Variants in CCDC91 observed in about 807,000 individuals in gnomAD.
CCDC91 encodes coiled-coil domain containing 91.
CCDC91 carries 48 observed loss-of-function variants against 63.2 expected under a neutral mutation model. The ratio of observed to expected loss-of-function variants is 0.76; its 90% CI spans 0.60 to 0.97. CCDC91 has a LOEUF of 0.97. Ranked by LOEUF, CCDC91 falls within the 50% of genes least tolerant of loss-of-function variation. CCDC91 has a pLI of 0.00. For missense variants in CCDC91, 500 were observed against 494.6 expected (o/e 1.01, Z -0.10); for synonymous variants, 167 against 165.8 (o/e 1.01, Z -0.06).
intron 8 of CCDC91, among the ~76,000 whole-genome samples, chr12:28,444,464 T>C (rs1949395260): frequency 6.6e-6 from 1 of 152,196 alleles, no homozygotes; most frequent in Non-Finnish European, 1.5e-5. Flanking sequence ...GCGGAGGTAC[T>C]TCCTCTGCCA....
chr12:28,416,584 TGACCTAACAG>T (rs1330141655), intron 8 of CCDC91, among the ~76,000 whole-genome samples: 1 of 152,200 alleles, frequency 6.6e-6, no homozygotes, highest in Admixed American at 6.5e-5. Context: ...GTTGCTAAAC[TGACCTAACAG>T]GAGGGCAGGC....
At position 28,190,521 on chromosome 12, in the gene CCDC91, C is replaced by T. The variant is rs1408194516; in HGVS notation, c.-135C>T. 3 of 153,110 alleles carry T rather than the reference C, an allele frequency of 2.0e-5. No individual in the cohort carries two copies. Among genetic ancestry groups the T allele is most frequent in the Non-Finnish European group, 2.9e-5 (2 of 68,722 alleles). 9.5% of individuals were successfully genotyped at this position (153,110 alleles called of 1,614,324 possible). A position where few individuals can be genotyped will look rare whatever the true frequency, so the allele number is the denominator to read the frequency against. On this transcript the variant is annotated 5_prime_UTR_variant, in exon 1 of 13. Transcript: ENST00000536442. ...CTGTGTGGCTGGGCCGCGGTCTCCC[C>T]TCAAGGGCCTGGGGCCGTGCCTCGG...
chr12:28,343,980 T>G (rs996760014), intron 6 of CCDC91, among the ~76,000 whole-genome samples: 2 of 152,174 alleles, frequency 1.3e-5, no homozygotes, highest in African/African-American at 4.8e-5. Flanking sequence ...AAATAGCATC[T>G]GAAAGATGTG....
chr12:28,381,662 C>G (rs1036877151), intron 7 of CCDC91, among the ~76,000 whole-genome samples: 5 of 152,052 alleles, frequency 3.3e-5, no homozygotes, highest in Non-Finnish European at 5.9e-5. Flanking sequence ...TCATCAAGTT[C>G]AAAGGTTACT....
intron 3 of CCDC91, among the ~76,000 whole-genome samples, chr12:28,291,722 CACTTCAAAA>C (rs1949262358): frequency 6.6e-6 from 1 of 152,168 alleles, no homozygotes; most frequent in Non-Finnish European, 1.5e-5. Context: ...GAGAAGACAA[CACTTCAAAA>C]TGATGATTTT....
intron 1 of CCDC91, among the ~76,000 whole-genome samples, chr12:28,201,584 T>G (rs71490368): frequency 7.8e-6 from 1 of 127,940 alleles, no homozygotes; most frequent in African/African-American, 3.0e-5. Context: ...TCCCAGGCGA[T>G]GGGCGGCCAG....
At chr12:28,392,417 A>G (rs1442750798) in intron 8 of CCDC91, among the ~76,000 whole-genome samples, 2 of 152,070 alleles carry the variant, frequency 1.3e-5, no homozygotes, top group Non-Finnish European at 2.9e-5. Context: ...CACCCTGGGA[A>G]CTCTACTGAT....
intron 8 of CCDC91, among the ~76,000 whole-genome samples, chr12:28,404,003 C>G (rs530238211): frequency 1.3e-5 from 2 of 151,864 alleles, no homozygotes; most frequent in South Asian, 4.1e-4. Flanking sequence ...TTTTCCATTT[C>G]TTGTTTTTAA....
intron 12 of CCDC91, among the ~76,000 whole-genome samples, chr12:28,539,738 G>A (rs974923038): frequency 3.3e-5 from 5 of 152,120 alleles, no homozygotes; most frequent in African/African-American, 1.2e-4. Context: ...CCAGGTGGGA[G>A]GCAGCAGTGA....
At position 28,286,742 on chromosome 12, in the gene CCDC91, T is replaced by C. The variant is rs577894977; in HGVS notation, c.110-18907T>C. On this transcript the variant is annotated intron_variant, in intron 3 of 12. Coordinates refer to ENST00000536442, the MANE Select transcript of CCDC91 (RefSeq NM_018318.5). ...TATATTCCCAGTAATGGGGGGACTA[T>C]TGGGTCATATAGTAGTTTGTTTTTA... Among the ~76,000 whole-genome samples the C allele has an allele frequency of 1.1e-3, 160 of 152,280 alleles. 1 individual carries two copies. Among genetic ancestry groups the C allele is most frequent in the African/African-American group, 3.4e-3 (143 of 41,566 alleles).
chr12:28,317,928 T>C (rs892253403), intron 6 of CCDC91, among the ~76,000 whole-genome samples: 5 of 152,010 alleles, frequency 3.3e-5, no homozygotes, highest in African/African-American at 1.2e-4. Context: ...ACTAAAGTAT[T>C]GATTTATAGA....
intron 3 of CCDC91, among the ~76,000 whole-genome samples, chr12:28,304,277 T>C (rs1938406033): frequency 6.8e-6 from 1 of 147,324 alleles, no homozygotes; most frequent in South Asian, 2.1e-4. Flanking sequence ...CTTGGGAGGC[T>C]GAGGCAGGAG....
intron 1 of CCDC91, among the ~76,000 whole-genome samples, chr12:28,212,588 A>T (rs2135538203): frequency 6.6e-6 from 1 of 152,286 alleles, no homozygotes; most frequent in Middle Eastern, 3.4e-3. Context: ...AAGGACTCAG[A>T]TATAGAAGTA....
At chr12:28,283,095 T>G (rs888999822) in intron 3 of CCDC91, among the ~76,000 whole-genome samples, 3 of 152,180 alleles carry the variant, frequency 2.0e-5, no homozygotes, top group Admixed American at 6.5e-5. Context: ...AGTTCCATGC[T>G]GTTTTGGTTA....
chr12:28,320,860 T>C (rs1446880048), intron 6 of CCDC91, among the ~76,000 whole-genome samples: 1 of 151,926 alleles, frequency 6.6e-6, no homozygotes, highest in Non-Finnish European at 1.5e-5. Context: ...TTTTGAACTT[T>C]GGACTTTTCT....
intron 1 of CCDC91, among the ~76,000 whole-genome samples, chr12:28,235,611 G>A (rs1265591920): frequency 6.7e-6 from 1 of 148,580 alleles, no homozygotes; most frequent in Non-Finnish European, 1.5e-5. Flanking sequence ...AAAAAAAGAC[G>A]AGGAAAATGA....
intron 11 of CCDC91, among the ~76,000 whole-genome samples, chr12:28,478,471 T>A (rs1951245303): frequency 1.3e-5 from 2 of 152,136 alleles, no homozygotes; most frequent in Non-Finnish European, 2.9e-5. Context: ...TCAAGGTGGA[T>A]TAAAGACTTA....
chr12:28,518,834 G>T (rs1940254116), intron 12 of CCDC91, among the ~76,000 whole-genome samples: 1 of 152,064 alleles, frequency 6.6e-6, no homozygotes, highest in East Asian at 1.9e-4. Context: ...TTTGTATAAG[G>T]TGAGAGATAA....
In CCDC91 at chr12:28,517,198, A is replaced by G. The variant is rs200968455; in HGVS notation, c.1216-31865A>G. ...TTTTAAATTACTTAAACAAAAAAGG[A>G]TGTCATTATAATTGTTTTTCCCAAA... On this transcript the variant is annotated intron_variant, in intron 12 of 12. Transcript: ENST00000536442. Among the ~76,000 whole-genome samples, 17 of 152,040 alleles carry G rather than the reference A, an allele frequency of 1.1e-4. No individual in the cohort carries two copies. In the East Asian group the frequency reaches 3.1e-3, roughly 28 times the overall value.
Sources: allele counts gnomAD v4.1 joint callset (sites outside exome capture counted in the v4.1 genomes callset), GRCh38; gene constraint gnomAD v4.1.1; transcripts MANE v1.5; gene names NCBI Gene and HGNC (gene_info 2026-07-23, HGNC 2026-07-21).